RBM26: variants seen among roughly 807,000 people sequenced by gnomAD.
RBM26 encodes RNA-binding protein 26.
Under a neutral mutation model 123.6 loss-of-function variants are expected in RBM26, and 30 were observed. That is an observed-to-expected ratio of 0.24 (90% CI 0.18 to 0.33). The LOEUF is 0.33. Among genes scored for constraint, RBM26 ranks in the 10% least tolerant of loss-of-function variants. The pLI is 1.00. For synonymous variants in RBM26, 400 were observed against 404.4 expected (o/e 0.99, Z 0.13); for missense variants, 947 against 1,203.6 (o/e 0.79, Z 3.15).
At chr13:79,347,753 G>A (rs1312524127) in intron 14 of RBM26, among the ~76,000 whole-genome samples, 4 of 151,730 alleles carry the variant, frequency 2.6e-5, no homozygotes, top group Admixed American at 2.0e-4. Flanking sequence ...ATCTTTATAT[G>A]GTTTATTCTA....
At chr13:79,323,985 A>G (rs538235970) in intron 20 of RBM26, among the ~76,000 whole-genome samples, 4 of 151,880 alleles carry the variant, frequency 2.6e-5, no homozygotes, top group South Asian at 4.1e-4. Flanking sequence ...TTTATATTAG[A>G]AAAGTTCAAG....
At chr13:79,355,090 G>C (rs770602893) in intron 12 of RBM26, 130 bp downstream of exon 12, 4 of 777,210 alleles carry the variant, frequency 5.1e-6, no homozygotes, top group Non-Finnish European at 8.4e-6. Context: ...AGTCTTTACA[G>C]GTAACAGAAG....
chr13:79,400,943 A>G (rs769981371), intron 1 of RBM26, among the ~76,000 whole-genome samples: 3 of 152,234 alleles, frequency 2.0e-5, no homozygotes, highest in Non-Finnish European at 2.9e-5. Context: ...AAGATTTACC[A>G]GCGACAGGAA....
Position 79,319,921 on chromosome 13 carries a change from T to C in RBM26, c.*700A>G, listed in dbSNP as rs1402512135. The C allele has an allele frequency of 1.8e-5, 17 of 925,472 alleles. No individual in the cohort carries two copies. The highest frequency in any genetic ancestry group is 6.3e-5 in the Admixed American group (1 of 15,758). 57.3% of individuals were successfully genotyped at this position (925,472 alleles called of 1,614,324 possible). A position where few individuals can be genotyped will look rare whatever the true frequency, so the allele number is the denominator to read the frequency against. On this transcript the variant is annotated 3_prime_UTR_variant, in exon 22 of 22. Transcript: ENST00000438737. ...TTCTTTTCTTTTTTCTTTTCTTTTT[T>C]TTTTTAAATCAAGGAACATTGTCTT...
At chr13:79,317,697 G>A (rs988415268), downstream of RBM26, among the ~76,000 whole-genome samples, 5 of 151,576 alleles carry the variant, frequency 3.3e-5, no homozygotes, top group Non-Finnish European at 5.9e-5. Context: ...TAAATGTTGT[G>A]GAAATTCCAC....
chr13:79,347,976 G>A (rs2139310614), intron 14 of RBM26, among the ~76,000 whole-genome samples: 1 of 152,072 alleles, frequency 6.6e-6, no homozygotes, highest in Middle Eastern at 3.4e-3. Flanking sequence ...TTTGCAGAGT[G>A]TTTAATGTAA....
chr13:79,377,407 T>C lies in RBM26; in HGVS notation c.299A>G (p.His100Arg). The change falls in exon 3 of 22, where the codon CAC (histidine) becomes CGC (arginine). Residue 100 changes from histidine to arginine, a missense_variant. Physicochemically the swap from His to Arg is conservative, Grantham distance 29 (BLOSUM62 0). This residue lies in a region of RBM26 where 275 missense variants were observed against 361.0 expected (regional missense o/e 0.76). Coordinates refer to ENST00000438737, the MANE Select transcript of RBM26 (RefSeq NM_001366735.2). ...TTCCTTCTTTATATCTTTTTCTTGG[T>C]GTGGAAAAAATTCTACCTTCAGGCT... is the stretch of plus-strand genomic sequence containing the variant. ...SGSLKVEFFPHQEKDIKKEEI... is the reference protein window; with the variant it reads ...SGSLKVEFFPRQEKDIKKEEI... 1 of 1,613,914 alleles carries C rather than the reference T, an allele frequency of 6.2e-7. No homozygotes were observed. The highest frequency in any genetic ancestry group is 8.5e-7 in the Non-Finnish European group (1 of 1,179,794).
chr13:79,356,211 GA>G (rs2139572946), intron 11 of RBM26, among the ~76,000 whole-genome samples: 1 of 151,818 alleles, frequency 6.6e-6, no homozygotes, highest in Non-Finnish European at 1.5e-5. Context: ...AATAATAATT[GA>G]AAAAATATTA....
At chr13:79,373,395 AAT>A (rs2076239464) in intron 3 of RBM26, among the ~76,000 whole-genome samples, 2 of 87,432 alleles carry the variant, frequency 2.3e-5, no homozygotes, top group African/African-American at 4.7e-5. Flanking sequence ...AAATATATAT[AAT>A]ATATATTATA....
intron 3 of RBM26, among the ~76,000 whole-genome samples, chr13:79,375,192 G>C (rs892763376): frequency 4.7e-5 from 4 of 84,992 alleles, no homozygotes; most frequent in African/African-American, 1.9e-4. Context: ...TTTTTTTTGA[G>C]ACGGAGTTTA....
chr13:79,368,235 C>A (rs1274907888), intron 6 of RBM26, among the ~76,000 whole-genome samples: 4 of 152,078 alleles, frequency 2.6e-5, no homozygotes, highest in African/African-American at 9.7e-5. Flanking sequence ...ACCATGTTAG[C>A]CAGGATGGTC....
At chr13:79,330,041 A>G (rs2069053007) in intron 20 of RBM26, among the ~76,000 whole-genome samples, 1 of 152,224 alleles carries the variant, frequency 6.6e-6, no homozygotes, top group South Asian at 2.1e-4. Flanking sequence ...CGAGTGAAAT[A>G]TAGATGAAAT....
In RBM26 at chr13:79,318,961, C is replaced by A; in HGVS notation, c.*1660G>T. The A allele has an allele frequency of 1.0e-6, 1 of 971,040 alleles. No homozygotes were observed. The highest frequency in any genetic ancestry group is 1.2e-6 in the Non-Finnish European group (1 of 817,082). 60.2% of individuals were successfully genotyped at this position (971,040 alleles called of 1,614,324 possible). ...TACAAGAGACTACATAAAAATAGATCTTTGATTTAAATATATAAGTAAAAA... is the reference window on the plus strand; with the variant it reads ...TACAAGAGACTACATAAAAATAGATATTTGATTTAAATATATAAGTAAAAA... On this transcript the variant is annotated 3_prime_UTR_variant, in exon 22 of 22. Transcript: ENST00000438737.
intron 1 of RBM26, among the ~76,000 whole-genome samples, chr13:79,404,056 T>C (rs1160076639): frequency 6.6e-6 from 1 of 152,208 alleles, no homozygotes; most frequent in East Asian, 1.9e-4. Context: ...TTAAATACTA[T>C]CTGCATGACT....
chr13:79,341,253 G>C, intron 17 of RBM26, 26 bp from the exon 18 acceptor site: 2 of 1,464,202 alleles, frequency 1.4e-6, no homozygotes, highest in Non-Finnish European at 1.9e-6. Context: ...TAATATTTTA[G>C]GTGACAGTAA....
downstream of RBM26, among the ~76,000 whole-genome samples, chr13:79,316,076 T>C (rs543207600): frequency 3.3e-5 from 5 of 151,836 alleles, no homozygotes; most frequent in South Asian, 1.0e-3. Context: ...TAATTTACAG[T>C]ATTTTATAAG....
intron 20 of RBM26, among the ~76,000 whole-genome samples, chr13:79,331,568 G>A (rs1036194622): frequency 9.9e-5 from 15 of 151,548 alleles, no homozygotes; most frequent in African/African-American, 1.7e-4. Flanking sequence ...CAAGAGAGGC[G>A]GAGCTTGCAG....
At chr13:79,336,660 C>T (rs1310227186) in intron 19 of RBM26, among the ~76,000 whole-genome samples, 5 of 152,148 alleles carry the variant, frequency 3.3e-5, no homozygotes, top group Admixed American at 6.5e-5. Context: ...CTGACACTGA[C>T]GGAGGCAACT....
intron 20 of RBM26, among the ~76,000 whole-genome samples, chr13:79,329,399 G>A (rs1264096111): frequency 6.6e-6 from 1 of 151,344 alleles, no homozygotes; most frequent in Non-Finnish European, 1.5e-5. Flanking sequence ...GATTAGTGAT[G>A]GTAACATACT....
Sources: allele counts gnomAD v4.1 joint callset (sites outside exome capture counted in the v4.1 genomes callset), GRCh38; gene constraint gnomAD v4.1.1; regional missense constraint gnomAD v4.1.1; transcripts MANE v1.5; gene names NCBI Gene and HGNC (gene_info 2026-07-23, HGNC 2026-07-21).